CNTN3: variants seen among roughly 807,000 people sequenced by gnomAD.
The protein encoded by CNTN3 is contactin 3, also known as contactin-3.
A neutral mutation model predicts 119.1 loss-of-function variants in CNTN3; 60 were observed. That is an observed-to-expected ratio of 0.50 (90% CI 0.41 to 0.62). The LOEUF (loss-of-function observed/expected upper bound fraction) is 0.62. CNTN3 is among the 20% of genes least tolerant of loss of function. The probability of loss-of-function intolerance (pLI) is 0.00; values close to 1 mark genes in which losing one functional copy is unlikely to be tolerated. For synonymous variants in CNTN3, 450 were observed against 438.7 expected (o/e 1.03, Z -0.32); for missense variants, 1,101 against 1,242.4 (o/e 0.89, Z 1.71).
intron 11 of CNTN3, among the ~76,000 whole-genome samples, chr3:74,347,603 A>T (rs116217375): frequency 0.016 from 2,436 of 152,260 alleles, 56 homozygotes; most frequent in African/African-American, 0.056. Flanking sequence ...GGCTAAAAAA[A>T]TTTTATCTTT....
intron 4 of CNTN3, among the ~76,000 whole-genome samples, chr3:74,474,107 G>C (rs543696833): frequency 1.3e-5 from 2 of 152,244 alleles, no homozygotes; most frequent in African/African-American, 2.4e-5. Flanking sequence ...TATTGCCACG[G>C]GGGAGGTGAG....
chr3:74,371,054 C>T, intron 6 of CNTN3, 142 bp downstream of exon 6: 1 of 635,688 alleles, frequency 1.6e-6, no homozygotes, highest in Non-Finnish European at 2.8e-6. Context: ...TCATTTTTGT[C>T]ATTGTACTCA....
At chr3:74,355,318 C>G (rs900853303) in intron 11 of CNTN3, among the ~76,000 whole-genome samples, 2 of 152,130 alleles carry the variant, frequency 1.3e-5, no homozygotes, top group Non-Finnish European at 2.9e-5. Flanking sequence ...CTCAAGGCTT[C>G]ACTTCATTCC....
chr3:74,336,793 G>GA, intron 11 of CNTN3, 135 bp from the exon 12 acceptor site: 1 of 581,416 alleles, frequency 1.7e-6, no homozygotes, highest in Admixed American at 3.8e-5. Flanking sequence ...TAGCTTTTTG[G>GA]GAATACAAAA....
At position 74,570,544 on chromosome 3, in the gene CNTN3, CAA is replaced by C. The variant is rs56396416; in HGVS notation, c.-81+43845_-81+43846del. ...AAAAAAAAAGAGTGTCTTCTAAGGA[CAA>C]AAAAAAAAAAAATGATCCTACCTGG... On this transcript the variant is annotated intron_variant, in intron 1 of 22. Transcript: ENST00000263665. Among the ~76,000 whole-genome samples, 461 of 138,414 alleles carry C rather than the reference CAA, an allele frequency of 3.3e-3. 1 individual carries two copies. The highest frequency in any genetic ancestry group is 4.8e-3 in the African/African-American group (178 of 37,316). 90.8% of individuals were successfully genotyped at this position (138,414 alleles called of 152,430 possible). A position where few individuals can be genotyped will look rare whatever the true frequency, so the allele number is the denominator to read the frequency against.
At chr3:74,322,852 GAACTTA>G (rs1307021638) in intron 13 of CNTN3, among the ~76,000 whole-genome samples, 1 of 152,128 alleles carries the variant, frequency 6.6e-6, no homozygotes, top group Non-Finnish European at 1.5e-5. Flanking sequence ...AGACATGGAG[GAACTTA>G]AAAGTATATT....
chr3:74,492,392 A>G (rs1465748676), intron 3 of CNTN3, among the ~76,000 whole-genome samples: 1 of 152,120 alleles, frequency 6.6e-6, no homozygotes, highest in Non-Finnish European at 1.5e-5. Context: ...CTTCTTTTAA[A>G]TCTTAGTTAC....
intron 4 of CNTN3, among the ~76,000 whole-genome samples, chr3:74,475,633 T>C (rs1174576847): frequency 6.6e-6 from 1 of 152,214 alleles, no homozygotes; most frequent in African/African-American, 2.4e-5. Context: ...ATGAGTATTA[T>C]TTCAACCAAA....
chr3:74,286,995 A>G (rs144666528), intron 19 of CNTN3, among the ~76,000 whole-genome samples: 167 of 152,314 alleles, frequency 1.1e-3, no homozygotes, highest in African/African-American at 3.9e-3. Flanking sequence ...GGTTATCACC[A>G]TATCTTTAAC....
chr3:74,515,561 G>C (rs1353909438), intron 2 of CNTN3, among the ~76,000 whole-genome samples: 1 of 152,064 alleles, frequency 6.6e-6, no homozygotes, highest in African/African-American at 2.4e-5. Flanking sequence ...GAAACCATTA[G>C]TATGTGTTCA....
In CNTN3 at chr3:74,329,925, G is replaced by T. The variant is rs1002269032; in HGVS notation, c.1668+4810C>A. ...CATATATGAAGATATCTAGATACAGGCAAAAAAAGAGAGAAAACTGTGTTC... is the reference window on the plus strand; with the variant it reads ...CATATATGAAGATATCTAGATACAGTCAAAAAAAGAGAGAAAACTGTGTTC... On this transcript the variant is annotated intron_variant, in intron 13 of 22. Transcript: ENST00000263665. Among the ~76,000 whole-genome samples, 5 of 152,148 alleles carry T rather than the reference G, an allele frequency of 3.3e-5. No homozygotes were observed. The East Asian group carries it at 9.7e-4, about 29-fold the overall frequency.
At chr3:74,319,097 AATTT>A (rs947430670) in intron 13 of CNTN3, among the ~76,000 whole-genome samples, 1 of 152,178 alleles carries the variant, frequency 6.6e-6, no homozygotes, top group Non-Finnish European at 1.5e-5. Context: ...TGCCCAAGGT[AATTT>A]ATAGATTCAA....
At chr3:74,362,947 A>G (rs1704109879) in intron 10 of CNTN3, among the ~76,000 whole-genome samples, 1 of 152,130 alleles carries the variant, frequency 6.6e-6, no homozygotes, top group Non-Finnish European at 1.5e-5. Context: ...ATCATAAAAG[A>G]GTGATTTTTG....
intron 5 of CNTN3, among the ~76,000 whole-genome samples, chr3:74,373,190 T>A (rs1704385112): frequency 2.0e-5 from 3 of 152,318 alleles, no homozygotes; most frequent in Middle Eastern, 3.4e-3. Flanking sequence ...CTCAGGCCTA[T>A]CCTGATGATG....
At chr3:74,534,366 TA>T (rs1379112331) in intron 1 of CNTN3, among the ~76,000 whole-genome samples, 1 of 152,084 alleles carries the variant, frequency 6.6e-6, no homozygotes, top group African/African-American at 2.4e-5. Flanking sequence ...TTTTTTTCAT[TA>T]TTTGCACACA....
At chr3:74,426,433 C>T (rs544212836) in intron 4 of CNTN3, among the ~76,000 whole-genome samples, 253 of 152,078 alleles carry the variant, frequency 1.7e-3, no homozygotes, top group African/African-American at 5.6e-3. Flanking sequence ...ATATAAAAAG[C>T]AAAATAATTA....
At chr3:74,276,085 G>T (rs1034962653) in intron 20 of CNTN3, among the ~76,000 whole-genome samples, 1 of 152,040 alleles carries the variant, frequency 6.6e-6, no homozygotes, top group Non-Finnish European at 1.5e-5. Context: ...TTGTCCAACA[G>T]GAAAATATCA....
At chr3:74,557,191 T>C (rs979291801) in intron 1 of CNTN3, among the ~76,000 whole-genome samples, 1 of 152,220 alleles carries the variant, frequency 6.6e-6, no homozygotes, top group South Asian at 2.1e-4. Context: ...TTTAATGTCA[T>C]ATCTAAGAAA....
At chr3:74,316,071 G>A (rs1328910345) in intron 13 of CNTN3, among the ~76,000 whole-genome samples, 1 of 152,112 alleles carries the variant, frequency 6.6e-6, no homozygotes, top group African/African-American at 2.4e-5. Context: ...CAGAATGGGA[G>A]AAAATACTTG....
Sources: gnomAD v4.1 joint callset for allele counts (sites outside exome capture counted in the v4.1 genomes callset) on GRCh38, gnomAD v4.1.1 for gene constraint, MANE v1.5 for transcripts, NCBI Gene and HGNC (gene_info 2026-07-23, HGNC 2026-07-21) for gene names.